Variants in DKK3 observed in about 807,000 individuals in gnomAD.
The protein encoded by DKK3 is dickkopf-related protein 3.
A neutral mutation model predicts 33.2 loss-of-function variants in DKK3; 22 were observed. That is an observed-to-expected ratio of 0.66 (90% CI 0.47 to 0.95). The LOEUF is 0.95. Ranked by LOEUF, DKK3 falls within the 40% of genes least tolerant of loss-of-function variation. The pLI is 0.00. For missense variants in DKK3, 398 were observed against 458.4 expected (o/e 0.87, Z 1.20); for synonymous variants, 194 against 188.8 (o/e 1.03, Z -0.23).
intron 3 of DKK3, among the ~76,000 whole-genome samples, chr11:11,982,573 G>A (rs776298214): frequency 5.9e-5 from 9 of 152,156 alleles, no homozygotes; most frequent in South Asian, 2.1e-4. Flanking sequence ...CAGAATTGGC[G>A]GACCTCTCAG....
chr11:11,991,972 G>C (rs1030706070), intron 3 of DKK3, among the ~76,000 whole-genome samples: 3 of 152,130 alleles, frequency 2.0e-5, no homozygotes, highest in Admixed American at 2.0e-4. Flanking sequence ...ATATTGTAAT[G>C]ACTTGTTTAT....
At chr11:12,001,417 T>A (rs1848425495) in intron 2 of DKK3, among the ~76,000 whole-genome samples, 1 of 152,208 alleles carries the variant, frequency 6.6e-6, no homozygotes, top group African/African-American at 2.4e-5. Flanking sequence ...GAAACACTAT[T>A]GTTTCAACCA....
At chr11:11,997,074 A>T (rs1315872013) in intron 3 of DKK3, among the ~76,000 whole-genome samples, 1 of 152,202 alleles carries the variant, frequency 6.6e-6, no homozygotes, top group Non-Finnish European at 1.5e-5. Flanking sequence ...AACTGGACAC[A>T]GCTGCCTCGT....
chr11:11,967,476 C>G (rs1413449003), intron 4 of DKK3, among the ~76,000 whole-genome samples: 2 of 152,202 alleles, frequency 1.3e-5, no homozygotes, highest in African/African-American at 4.8e-5. Context: ...AACTAAGGCC[C>G]AAGCCAGCCC....
chr11:11,985,820 C>T (rs1448801988), intron 3 of DKK3, among the ~76,000 whole-genome samples: 1 of 152,246 alleles, frequency 6.6e-6, no homozygotes, highest in Admixed American at 6.5e-5. Flanking sequence ...TTTCCTTCCT[C>T]TCACCTTCCA....
chr11:11,964,213 T>C lies in DKK3; in HGVS notation c.*251A>G. ...CTGGTAGAGGCAAAGCAGCCAATAA[T>C]CTGGACAGGGGTGGCAAACTGCTCC... On this transcript the variant is annotated 3_prime_UTR_variant, in exon 7 of 7. Coordinates refer to ENST00000683431, the MANE Select transcript of DKK3 (RefSeq NM_001018057.2). The C allele has an allele frequency of 1.9e-6, 1 of 514,750 alleles. No individual in the cohort carries two copies. Among genetic ancestry groups the C allele is most frequent in the South Asian group, 2.9e-5 (1 of 34,440 alleles). 31.9% of individuals were successfully genotyped at this position (514,750 alleles called of 1,614,324 possible). A position where few individuals can be genotyped will look rare whatever the true frequency, so the allele number is the denominator to read the frequency against.
At position 11,967,015 on chromosome 11, in the gene DKK3, A is replaced by G. The variant is rs1365180431; in HGVS notation, c.612T>C (p.Asn204=). 6.2e-7 allele frequency: 1 copy of G among 1,614,024 alleles called. No individual in the cohort carries two copies. Among genetic ancestry groups the G allele is most frequent in the South Asian group, 1.1e-5 (1 of 91,076 alleles). The change falls in exon 5 of 7, where the codon AAT becomes AAC. Residue 204 remains asparagine, a synonymous_variant. Transcript: ENST00000683431. The part of the protein sequence containing the change: ...HCTKMATRGS[N]GTICDNQRDC... ...CCCTCTGGTTGTCACAGATGGTCCCATTGCTGCCCCTGGTGGCCATTTTGG... is the reference window on the plus strand; with the variant it reads ...CCCTCTGGTTGTCACAGATGGTCCCGTTGCTGCCCCTGGTGGCCATTTTGG...
intron 3 of DKK3, among the ~76,000 whole-genome samples, chr11:11,997,930 G>C (rs1442821939): frequency 1.3e-5 from 2 of 152,078 alleles, no homozygotes; most frequent in African/African-American, 2.4e-5. Context: ...CTGGATACAG[G>C]GGGGCTGGCT....
chr11:12,008,714 C>G, upstream of DKK3: 2 of 1,210,576 alleles, frequency 1.7e-6, no homozygotes, highest in South Asian at 7.8e-5. The surrounding 1 kb of genome is among the most constrained non-coding windows in gnomAD (Gnocchi z 4.6). Context: ...CCCCTCTTTC[C>G]CGCACCCGCC....
chr11:11,974,125 A>G (rs918593454), intron 3 of DKK3, among the ~76,000 whole-genome samples: 140 of 152,356 alleles, frequency 9.2e-4, no homozygotes, highest in African/African-American at 3.2e-3. Flanking sequence ...GAACATCTTC[A>G]GGGCAAGAAG....
At chr11:11,972,824 G>A (rs142732124) in intron 3 of DKK3, among the ~76,000 whole-genome samples, 2 of 152,278 alleles carry the variant, frequency 1.3e-5, no homozygotes, top group Admixed American at 6.5e-5. Context: ...GGCTCTGGAT[G>A]GCTGAGAAGC....
At chr11:11,987,002 C>T (rs1848084267) in intron 3 of DKK3, among the ~76,000 whole-genome samples, 1 of 152,174 alleles carries the variant, frequency 6.6e-6, no homozygotes, top group Admixed American at 6.5e-5. Flanking sequence ...AGGAATTTTA[C>T]TTCCGTTTCT....
intron 3 of DKK3, among the ~76,000 whole-genome samples, chr11:11,997,223 T>G (rs1374953889): frequency 1.3e-5 from 2 of 152,158 alleles, no homozygotes; most frequent in African/African-American, 4.8e-5. Context: ...AATGATAGAT[T>G]AAGTTTTTTT....
At chr11:12,001,237 A>G (rs1438199681) in intron 2 of DKK3, among the ~76,000 whole-genome samples, 1 of 152,214 alleles carries the variant, frequency 6.6e-6, no homozygotes, top group Non-Finnish European at 1.5e-5. Context: ...GCAATGCCAA[A>G]GGATTATGTT....
At chr11:11,968,632 C>T (rs993038293) in intron 3 of DKK3, 145 bp from the exon 4 acceptor site, 22 of 645,616 alleles carry the variant, frequency 3.4e-5, no homozygotes, top group Non-Finnish European at 5.1e-5. Flanking sequence ...AGACTCTAGT[C>T]GCTCCTGATC....
intron 3 of DKK3, among the ~76,000 whole-genome samples, chr11:11,995,922 G>A (rs768033614): frequency 6.6e-6 from 1 of 152,232 alleles, no homozygotes; most frequent in African/African-American, 2.4e-5. Flanking sequence ...CATACTGCGT[G>A]CAATTTCTAG....
upstream of DKK3, chr11:12,009,287 G>A (rs1476261592): frequency 1.0e-6 from 1 of 983,756 alleles, no homozygotes; most frequent in Non-Finnish European, 1.2e-6. Flanking sequence ...CGCGGGTGCG[G>A]GAGCGCGGCG....
intron 3 of DKK3, among the ~76,000 whole-genome samples, chr11:11,997,582 C>T (rs886278749): frequency 6.6e-6 from 1 of 152,116 alleles, no homozygotes; most frequent in African/African-American, 2.4e-5. Flanking sequence ...AACTGAGGTG[C>T]CCTAGCTGGT....
intron 3 of DKK3, among the ~76,000 whole-genome samples, chr11:11,983,724 C>A (rs191275709): frequency 2.9e-3 from 447 of 152,342 alleles, no homozygotes; most frequent in African/African-American, 0.01. Flanking sequence ...CTGGGCTACG[C>A]TGCTGTCAAA....
Sources: gnomAD v4.1 joint callset for allele counts (sites outside exome capture counted in the v4.1 genomes callset) on GRCh38, gnomAD v4.1.1 for gene constraint, Gnocchi (gnomAD v3.1) non-coding constraint, MANE v1.5 for transcripts, NCBI Gene and HGNC (gene_info 2026-07-23, HGNC 2026-07-21) for gene names.